NUDCD3: variants seen among roughly 807,000 people sequenced by gnomAD.
NUDCD3 encodes the protein NudC domain containing 3, also known as nudC domain-containing protein 3.
A neutral mutation model predicts 39.7 loss-of-function variants in NUDCD3; 13 were observed. The observed-to-expected ratio is 0.33, with a 90% CI of 0.21 to 0.52. The LOEUF (loss-of-function observed/expected upper bound fraction) is 0.52, where lower values mean the gene tolerates loss of function less well. Ranked by LOEUF, NUDCD3 falls within the 20% of genes least tolerant of loss-of-function variation. The pLI is 0.96. For missense variants in NUDCD3, 453 were observed against 458.1 expected (o/e 0.99, Z 0.10); for synonymous variants, 175 against 172.4 (o/e 1.02, Z -0.12).
intron 3 of NUDCD3, among the ~76,000 whole-genome samples, chr7:44,421,418 C>G (rs1351975709): frequency 6.9e-6 from 1 of 145,138 alleles, no homozygotes; most frequent in Admixed American, 7.0e-5. Context: ...GGAGACCCAT[C>G]TCATGTGCAA....
intron 4 of NUDCD3, among the ~76,000 whole-genome samples, chr7:44,401,399 G>GC (rs1276293317): frequency 6.6e-6 from 1 of 152,220 alleles, no homozygotes; most frequent in African/African-American, 2.4e-5. Context: ...CCTGTAAACA[G>GC]CAAAGTTTCT....
chr7:44,476,452 G>C (rs948904685), intron 2 of NUDCD3, among the ~76,000 whole-genome samples: 9 of 152,170 alleles, frequency 5.9e-5, no homozygotes, highest in Non-Finnish European at 8.8e-5. Context: ...TTATAAAACA[G>C]GCCTAAGGGA....
chr7:44,437,152 C>T (rs1033509555), intron 2 of NUDCD3, among the ~76,000 whole-genome samples: 2 of 150,854 alleles, frequency 1.3e-5, no homozygotes, highest in African/African-American at 4.9e-5. Context: ...TCACTGCAAC[C>T]TCTGACTCCT....
chr7:44,409,298 T>C (rs1283646108), intron 3 of NUDCD3, among the ~76,000 whole-genome samples: 1 of 152,192 alleles, frequency 6.6e-6, no homozygotes, highest in African/African-American at 2.4e-5. Flanking sequence ...AACAGGTAGA[T>C]GAAGCCCCTC....
At chr7:44,462,699 C>T (rs1800037909) in intron 2 of NUDCD3, among the ~76,000 whole-genome samples, 1 of 152,202 alleles carries the variant, frequency 6.6e-6, no homozygotes, top group African/African-American at 2.4e-5. Context: ...GCATTACCTT[C>T]ACACATCCCA....
chr7:44,456,025 C>CAAAAAAAAAAAAAAA (rs1233592095), intron 2 of NUDCD3, among the ~76,000 whole-genome samples: 46 of 28,464 alleles, frequency 1.6e-3, no homozygotes, highest in Admixed American at 3.4e-3. Context: ...GACTCCGTCT[C>CAAAAAAAAAAAAAAA]AAAAAAAAAA....
chr7:44,395,738 T>A (rs1337022759), intron 4 of NUDCD3, among the ~76,000 whole-genome samples: 1 of 152,256 alleles, frequency 6.6e-6, no homozygotes, highest in Non-Finnish European at 1.5e-5. Context: ...TCATCTATGT[T>A]GTAGCATGAA....
At chr7:44,421,116 G>A (rs1289333375) in intron 3 of NUDCD3, among the ~76,000 whole-genome samples, 2 of 152,098 alleles carry the variant, frequency 1.3e-5, no homozygotes, top group African/African-American at 2.4e-5. Context: ...GGTGGATCAC[G>A]AGGTCAGGAG....
intron 4 of NUDCD3, among the ~76,000 whole-genome samples, chr7:44,396,838 G>A (rs902158817): frequency 2.6e-5 from 4 of 152,224 alleles, no homozygotes; most frequent in Admixed American, 1.3e-4. Flanking sequence ...GACACCCAGT[G>A]CAAGATGCAG....
chr7:44,460,489 T>C (rs1799984596), intron 2 of NUDCD3, among the ~76,000 whole-genome samples: 1 of 151,982 alleles, frequency 6.6e-6, no homozygotes, highest in Non-Finnish European at 1.5e-5. Flanking sequence ...ACCACAAGAC[T>C]CCAAATAGTA....
At chr7:44,405,735 A>C (rs1798807816) in intron 3 of NUDCD3, among the ~76,000 whole-genome samples, 1 of 152,232 alleles carries the variant, frequency 6.6e-6, no homozygotes, top group African/African-American at 2.4e-5. Flanking sequence ...CTGTAGTTTA[A>C]ATATTCGTAA....
intron 4 of NUDCD3, among the ~76,000 whole-genome samples, chr7:44,402,107 G>T (rs1170534154): frequency 6.6e-6 from 1 of 152,222 alleles, no homozygotes; most frequent in Non-Finnish European, 1.5e-5. Context: ...GTTTCTCACA[G>T]CACTGGAAAA....
intron 2 of NUDCD3, among the ~76,000 whole-genome samples, chr7:44,475,840 T>C (rs1482676345): frequency 1.3e-5 from 2 of 152,040 alleles, no homozygotes; most frequent in African/African-American, 4.8e-5. Flanking sequence ...AAAAAGTTAA[T>C]AGGAAGTGAA....
intron 2 of NUDCD3, among the ~76,000 whole-genome samples, chr7:44,446,963 T>A (rs1461658223): frequency 1.3e-5 from 2 of 152,194 alleles, no homozygotes; most frequent in Non-Finnish European, 2.9e-5. Context: ...TATATAAAAG[T>A]TTTTTGGTAA....
At position 44,381,053 on chromosome 7, in the gene NUDCD3, T is replaced by C. The variant is rs540832080; in HGVS notation, c.*4958A>G. ...CAGCCTGAGTGACCTCCTCATAGCATGGGGTCAGTGCAGCGGCAATGTCTG... is the reference window on the plus strand; with the variant it reads ...CAGCCTGAGTGACCTCCTCATAGCACGGGGTCAGTGCAGCGGCAATGTCTG... On this transcript the variant is annotated 3_prime_UTR_variant, in exon 6 of 6. Transcript: ENST00000355451. 2.0e-5 allele frequency: 3 copies of C among 152,378 alleles called. No individual in the cohort carries two copies. The South Asian group carries it at 6.2e-4, about 32-fold the overall frequency. 9.4% of individuals were successfully genotyped at this position (152,378 alleles called of 1,614,324 possible).
chr7:44,420,750 A>C (rs1390050759), intron 3 of NUDCD3, among the ~76,000 whole-genome samples: 1 of 152,252 alleles, frequency 6.6e-6, no homozygotes, highest in Non-Finnish European at 1.5e-5. Context: ...AGCCAAACTA[A>C]GCTTCATAAG....
At chr7:44,386,516 T>C (rs746220483) in intron 5 of NUDCD3, among the ~76,000 whole-genome samples, 1 of 151,836 alleles carries the variant, frequency 6.6e-6, no homozygotes, top group Non-Finnish European at 1.5e-5. Flanking sequence ...CCCACCAGGG[T>C]TGTAGAGAAG....
chr7:44,394,851 C>T (rs1280970278), intron 4 of NUDCD3, among the ~76,000 whole-genome samples: 1 of 152,166 alleles, frequency 6.6e-6, no homozygotes, highest in African/African-American at 2.4e-5. Context: ...CCACAGACCC[C>T]AACACAGGGT....
At chr7:44,486,032 G>C (rs2116986085) in intron 1 of NUDCD3, among the ~76,000 whole-genome samples, 1 of 152,352 alleles carries the variant, frequency 6.6e-6, no homozygotes, top group African/African-American at 2.4e-5. Context: ...GAGCATGTCT[G>C]GCGAAAGAAA....
Sources: gnomAD v4.1 joint callset for allele counts (sites outside exome capture counted in the v4.1 genomes callset) on GRCh38, gnomAD v4.1.1 for gene constraint, MANE v1.5 for transcripts, NCBI Gene and HGNC (gene_info 2026-07-23, HGNC 2026-07-21) for gene names.